The following GALNT13 variants were observed in gnomAD, a reference collection of about 807,000 sequenced individuals.
GALNT13 encodes the protein UDP-GalNAc:polypeptide N-acetylgalactosaminyltransferase 13.
GALNT13 carries 28 observed loss-of-function variants against 64.2 expected under a neutral mutation model. The ratio of observed to expected loss-of-function variants is 0.44; its 90% CI spans 0.32 to 0.60. The LOEUF is 0.60. Ranked by LOEUF, GALNT13 falls within the 20% of genes least tolerant of loss-of-function variation. GALNT13 has a pLI of 0.05. For missense variants in GALNT13, 577 were observed against 669.8 expected, an observed-to-expected ratio of 0.86 and a Z score of 1.53; for synonymous variants, 214 against 224.6, an observed-to-expected ratio of 0.95 and a Z score of 0.42.
chr2:153,709,290 A>C, the GALNT13 span, among the ~76,000 whole-genome samples: 1 of 152,008 alleles, frequency 6.6e-6, no homozygotes, highest in African/African-American at 2.4e-5. Flanking sequence ...ACAACAACAA[A>C]AACAAAACAA....
the GALNT13 span, among the ~76,000 whole-genome samples, chr2:153,743,097 G>A: frequency 7.7e-6 from 1 of 129,772 alleles, no homozygotes; most frequent in African/African-American, 2.8e-5. Context: ...GGAAAAGAGG[G>A]GAGGGGGAGG....
At position 154,163,021 on chromosome 2, in the gene GALNT13, G is replaced by A. The variant is rs183883410; in HGVS notation, c.311+22516G>A. 7.6e-3 allele frequency among the ~76,000 whole-genome samples: 1,138 copies of A among 148,942 alleles called. 33 individuals carry two copies. Among genetic ancestry groups the A allele is most frequent in the Admixed American group, 0.05 (736 of 14,858 alleles). On this transcript the variant is annotated intron_variant, in intron 4 of 12. Coordinates refer to ENST00000392825, the MANE Select transcript of GALNT13 (RefSeq NM_052917.4). ...TTATACTTTAAGTTTTAGGGTACAT[G>A]TGCACAATGTGCAGGTTAGTTACAT...
chr2:153,248,541 G>C, the GALNT13 span, among the ~76,000 whole-genome samples: 1 of 151,492 alleles, frequency 6.6e-6, no homozygotes, highest in African/African-American at 2.4e-5. Context: ...TCGGCCGGGC[G>C]TGGTGGCTCA....
chr2:153,992,024 T>C (rs1695190650), intron 3 of GALNT13, among the ~76,000 whole-genome samples: 1 of 152,164 alleles, frequency 6.6e-6, no homozygotes, highest in African/African-American at 2.4e-5. Flanking sequence ...AAATGAAACA[T>C]TAATCTGATA....
chr2:153,152,484 T>C, the GALNT13 span, among the ~76,000 whole-genome samples: 1 of 151,010 alleles, frequency 6.6e-6, no homozygotes, highest in Admixed American at 6.6e-5. Flanking sequence ...ACTTGTATCA[T>C]GGGTGTTTGT....
the GALNT13 span, among the ~76,000 whole-genome samples, chr2:153,133,670 A>G: frequency 3.9e-5 from 6 of 152,116 alleles, no homozygotes; most frequent in Admixed American, 3.9e-4. Flanking sequence ...CATTGTTCTG[A>G]AGTTAATTGT....
At position 154,168,672 on chromosome 2, in the gene GALNT13, T is replaced by TAA. The variant is rs1559001255; in HGVS notation, c.311+28167_311+28168insAA. On this transcript the variant is annotated intron_variant, in intron 4 of 12. Transcript: ENST00000392825. ...ACATAGTGAAACCTCATCTCTACTA[T>TAA]TAAAAAAAAAAAAAAAAAAAAGTAG... Among the ~76,000 whole-genome samples, 256 of 118,996 alleles carry TAA rather than the reference T, an allele frequency of 2.2e-3. 3 individuals are homozygous for TAA. The highest frequency in any genetic ancestry group is 5.5e-3 in the Admixed American group (67 of 12,208). The allele number at this position is 118,996 out of a possible 152,430, so 78.1% of individuals were successfully genotyped here.
the GALNT13 span, among the ~76,000 whole-genome samples, chr2:153,602,356 A>G: frequency 2.0e-5 from 3 of 151,950 alleles, no homozygotes; most frequent in Admixed American, 6.6e-5. Flanking sequence ...GGTCATGTCA[A>G]TAGTGGTAGT....
At chr2:153,492,712 T>C in the GALNT13 span, among the ~76,000 whole-genome samples, 3 of 152,158 alleles carry the variant, frequency 2.0e-5, no homozygotes, top group East Asian at 1.9e-4. Context: ...TCAATAGATA[T>C]TTATGGAATG....
At chr2:153,257,223 C>T in the GALNT13 span, among the ~76,000 whole-genome samples, 43 of 152,258 alleles carry the variant, frequency 2.8e-4, no homozygotes, top group African/African-American at 4.8e-4. Flanking sequence ...TTCCAGGTGC[C>T]GTCTGTCACC....
the GALNT13 span, among the ~76,000 whole-genome samples, chr2:153,346,803 A>G: frequency 6.6e-6 from 1 of 152,178 alleles, no homozygotes; most frequent in Non-Finnish European, 1.5e-5. Context: ...TAAACCGTTT[A>G]TATGCATTTT....
At chr2:153,418,533 A>G in the GALNT13 span, among the ~76,000 whole-genome samples, 1 of 152,352 alleles carries the variant, frequency 6.6e-6, no homozygotes, top group South Asian at 2.1e-4. Context: ...AGGAAGTAGA[A>G]TAATGGTCAT....
the GALNT13 span, among the ~76,000 whole-genome samples, chr2:153,811,176 C>G: frequency 6.6e-6 from 1 of 152,112 alleles, no homozygotes; most frequent in African/African-American, 2.4e-5. Context: ...AAATACCCAA[C>G]TGGAGAATGA....
chr2:153,651,057 C>A, the GALNT13 span, among the ~76,000 whole-genome samples: 1 of 151,978 alleles, frequency 6.6e-6, no homozygotes, highest in Non-Finnish European at 1.5e-5. Flanking sequence ...AAATAAATAA[C>A]TTATAGAGAT....
chr2:153,775,278 G>C, the GALNT13 span, among the ~76,000 whole-genome samples: 1 of 151,958 alleles, frequency 6.6e-6, no homozygotes, highest in East Asian at 1.9e-4. Flanking sequence ...CATTCATTTG[G>C]ATACCATACA....
At chr2:153,213,648 C>G in the GALNT13 span, among the ~76,000 whole-genome samples, 1 of 152,154 alleles carries the variant, frequency 6.6e-6, no homozygotes, top group Non-Finnish European at 1.5e-5. Context: ...TTTGGGAAAT[C>G]ACACAAATGG....
chr2:154,379,903 A>G (rs1013534766), intron 9 of GALNT13, among the ~76,000 whole-genome samples: 1 of 152,066 alleles, frequency 6.6e-6, no homozygotes, highest in African/African-American at 2.4e-5. Flanking sequence ...TATCTTAATG[A>G]CTGTTAAGTG....
the GALNT13 span, among the ~76,000 whole-genome samples, chr2:153,546,842 G>GC: frequency 6.6e-5 from 10 of 152,222 alleles, 2 homozygotes; most frequent in East Asian, 1.9e-3. Flanking sequence ...TTGAATAATT[G>GC]CCCCCTTTCC....
the GALNT13 span, among the ~76,000 whole-genome samples, chr2:153,170,596 A>G: frequency 1.3e-5 from 2 of 152,348 alleles, no homozygotes; most frequent in East Asian, 1.9e-4. Context: ...ATAGTGTCTC[A>G]TTGCAAGCCA....
Sources: allele counts gnomAD v4.1 joint callset (sites outside exome capture counted in the v4.1 genomes callset), GRCh38; gene constraint gnomAD v4.1.1; transcripts MANE v1.5; gene names NCBI Gene and HGNC (gene_info 2026-07-23, HGNC 2026-07-21).